RIN3: variants seen among roughly 807,000 people sequenced by gnomAD.
The protein encoded by RIN3 is RAB5 interacting protein 3.
Under a neutral mutation model 76.3 loss-of-function variants are expected in RIN3, and 54 were observed. That is an observed-to-expected ratio of 0.71 (90% CI 0.57 to 0.89). The LOEUF (loss-of-function observed/expected upper bound fraction) is 0.89. Ranked by LOEUF, RIN3 falls within the 40% of genes least tolerant of loss-of-function variation. RIN3 has a pLI of 0.00. For synonymous variants in RIN3, 576 were observed against 564.0 expected (o/e 1.02, Z -0.30); for missense variants, 1,256 against 1,322.1 (o/e 0.95, Z 0.78).
chr14:92,664,534 T>TTA (rs375619224), intron 7 of RIN3, among the ~76,000 whole-genome samples: 2 of 84,818 alleles, frequency 2.4e-5, no homozygotes, highest in African/African-American at 1.4e-4. Context: ...TGCCCAGCTA[T>TTA]TTTTTTTTTG....
At chr14:92,630,997 G>A (rs1886556175) in intron 4 of RIN3, among the ~76,000 whole-genome samples, 1 of 152,186 alleles carries the variant, frequency 6.6e-6, no homozygotes, top group Non-Finnish European at 1.5e-5. Context: ...GACTCCTCCA[G>A]AGCCTAAGTC....
At chr14:92,571,281 T>G (rs1433017247) in intron 2 of RIN3, among the ~76,000 whole-genome samples, 5 of 152,218 alleles carry the variant, frequency 3.3e-5, no homozygotes, top group Admixed American at 1.3e-4. Flanking sequence ...CTCAATTAAA[T>G]TCTGTGAAAT....
intron 1 of RIN3, among the ~76,000 whole-genome samples, chr14:92,517,078 C>T (rs1896462867): frequency 1.3e-5 from 2 of 152,224 alleles, no homozygotes; most frequent in South Asian, 4.1e-4. Context: ...TGGCCACAAA[C>T]TCTGTCTCTG....
In RIN3 at chr14:92,623,339, G is replaced by A. The variant is rs1886246882; in HGVS notation, c.440+7860G>A. On this transcript the variant is annotated intron_variant, in intron 4 of 9. Transcript: ENST00000216487. The surrounding 1 kb of genome is among the most constrained non-coding windows in gnomAD (Gnocchi z 4.9). ...ATCTAAGGCCATTCTGTTTTCCCAA[G>A]CCATTTGGCTAGTAGGCCCTAATTG... 6.6e-6 allele frequency among the ~76,000 whole-genome samples: 1 copy of A among 152,212 alleles called. No homozygotes were observed. The highest frequency in any genetic ancestry group is 6.5e-5 in the Admixed American group (1 of 15,282).
At chr14:92,667,929 CA>C (rs1853502821) in intron 7 of RIN3, among the ~76,000 whole-genome samples, 1 of 152,176 alleles carries the variant, frequency 6.6e-6, no homozygotes, top group Non-Finnish European at 1.5e-5. Context: ...GGTTGTAACT[CA>C]CAACCTCGCT....
chr14:92,544,824 A>G (rs1210552201), intron 1 of RIN3, among the ~76,000 whole-genome samples: 1 of 152,074 alleles, frequency 6.6e-6, no homozygotes, highest in African/African-American at 2.4e-5. Flanking sequence ...TGTTTGCTTC[A>G]GATCTTTTTG....
intron 8 of RIN3, among the ~76,000 whole-genome samples, chr14:92,678,862 T>C (rs1479971731): frequency 6.6e-6 from 1 of 152,194 alleles, no homozygotes; most frequent in East Asian, 1.9e-4. Flanking sequence ...TGGGCCTTCT[T>C]CCTTGGTTTC....
At chr14:92,567,428 A>T (rs185967672) in intron 2 of RIN3, among the ~76,000 whole-genome samples, 4 of 152,214 alleles carry the variant, frequency 2.6e-5, no homozygotes, top group African/African-American at 9.6e-5. Flanking sequence ...ATCATCTAGC[A>T]ACTTGACTAG....
intron 4 of RIN3, among the ~76,000 whole-genome samples, chr14:92,620,169 G>A (rs937276861): frequency 2.0e-5 from 3 of 152,158 alleles, no homozygotes; most frequent in African/African-American, 7.2e-5. Context: ...TATTTAACCA[G>A]TTTGCACAGA....
At chr14:92,576,525 C>T in intron 2 of RIN3, 1 of 717,734 alleles carries the variant, frequency 1.4e-6, no homozygotes, top group Non-Finnish European at 2.1e-6. Context: ...GCATGGAGGT[C>T]CCAAGCGTTG....
chr14:92,615,194 C>A (rs1365589146), intron 3 of RIN3, among the ~76,000 whole-genome samples: 1 of 152,088 alleles, frequency 6.6e-6, no homozygotes, highest in African/African-American at 2.4e-5. Flanking sequence ...CAGGTAATCT[C>A]CTGAAATCTC....
At chr14:92,608,348 A>C in intron 3 of RIN3, among the ~76,000 whole-genome samples, 1 of 152,142 alleles carries the variant, frequency 6.6e-6, no homozygotes, top group East Asian at 1.9e-4. Context: ...TCCAAAATAA[A>C]CCATTTTATG....
intron 7 of RIN3, among the ~76,000 whole-genome samples, chr14:92,665,193 C>T (rs1888042590): frequency 1.3e-5 from 2 of 152,126 alleles, no homozygotes; most frequent in South Asian, 4.1e-4. Flanking sequence ...ATACTGAAAA[C>T]TGTAGGCAGT....
At chr14:92,673,225 T>C (rs1364182313) in intron 7 of RIN3, among the ~76,000 whole-genome samples, 1 of 152,210 alleles carries the variant, frequency 6.6e-6, no homozygotes, top group African/African-American at 2.4e-5. Flanking sequence ...TCCTTTTTAT[T>C]CCCAAAGACT....
chr14:92,651,198 A>C (rs1481422321), intron 5 of RIN3, among the ~76,000 whole-genome samples: 1 of 152,088 alleles, frequency 6.6e-6, no homozygotes, highest in Non-Finnish European at 1.5e-5. Flanking sequence ...CAGGAATTCC[A>C]GGCCTTCCGT....
intron 2 of RIN3, among the ~76,000 whole-genome samples, chr14:92,570,604 G>A (rs1458381991): frequency 1.3e-5 from 2 of 151,412 alleles, no homozygotes; most frequent in Non-Finnish European, 2.9e-5. Flanking sequence ...AAAGGTTGCA[G>A]TGAGCTGAGA....
At chr14:92,609,295 A>G (rs1887557) in intron 3 of RIN3, among the ~76,000 whole-genome samples, 3 of 151,976 alleles carry the variant, frequency 2.0e-5, no homozygotes, top group South Asian at 2.1e-4. Flanking sequence ...TGCCCCTGAC[A>G]CAGCCTTGAG....
At chr14:92,517,558 T>C (rs943172084) in intron 1 of RIN3, among the ~76,000 whole-genome samples, 1 of 151,898 alleles carries the variant, frequency 6.6e-6, no homozygotes. Context: ...TAGAAGAGAG[T>C]GGGGGGCCAT....
chr14:92,535,038 G>A (rs1295581248), intron 1 of RIN3, among the ~76,000 whole-genome samples: 1 of 152,182 alleles, frequency 6.6e-6, no homozygotes, highest in African/African-American at 2.4e-5. Context: ...ATCCTCCCCA[G>A]GCCTTGGTAG....
Sources: gnomAD v4.1 joint callset for allele counts (sites outside exome capture counted in the v4.1 genomes callset) on GRCh38, gnomAD v4.1.1 for gene constraint, Gnocchi (gnomAD v3.1) non-coding constraint, MANE v1.5 for transcripts, NCBI Gene and HGNC (gene_info 2026-07-23, HGNC 2026-07-21) for gene names.